PASK: variants seen among roughly 807,000 people sequenced by gnomAD.
PASK encodes the protein PAS domain-containing serine/threonine-protein kinase.
PASK carries 110 observed loss-of-function variants against 121.0 expected under a neutral mutation model. That is an observed-to-expected ratio of 0.91 (90% CI 0.78 to 1.06). PASK has a LOEUF of 1.06. PASK is among the 50% of genes least tolerant of loss of function. The pLI is 0.00. For missense variants in PASK, 1,643 were observed against 1,702.3 expected, an observed-to-expected ratio of 0.97 and a Z score of 0.61; for synonymous variants, 686 against 717.8, an observed-to-expected ratio of 0.96 and a Z score of 0.71.
At chr2:241,150,014 C>A, upstream of PASK, 2 of 1,399,928 alleles carry the variant, frequency 1.4e-6, no homozygotes, top group Non-Finnish European at 1.9e-6. Context: ...CCGTTCGGCC[C>A]ATTGTACAGA....
Position 241,127,010 on chromosome 2 carries a change from G to A in PASK, c.1905C>T (p.Gly635=). 1 of 1,614,188 alleles carries A rather than the reference G, an allele frequency of 6.2e-7. No individual in the cohort carries two copies. The highest frequency in any genetic ancestry group is 8.5e-7 in the Non-Finnish European group (1 of 1,180,018). ...DLAPSPSGMA[G]LSFGTPTLDE... is the part of the protein sequence containing the mutation. ...CTAGAGTAGGTGTCCCAAACGAGAG[G>A]CCTGCCATCCCAGAGGGGCTGGGGG... Residue 635 remains glycine, a synonymous_variant, in exon 10 of 18, where the codon GGC becomes GGT. Coordinates refer to ENST00000234040, the MANE Select transcript of PASK (RefSeq NM_015148.4).
In PASK at chr2:241,106,698, G is replaced by A. The variant is rs760062049; in HGVS notation, c.3840C>T (p.Ser1280=). ...KPESGVLSAA[S]LEMGNRSLSD... ...TCAGGCTCCTGTTCCCCATCTCCAG[G>A]CTCGCAGCGGACAGAACTCCACTTT... The change falls in exon 18 of 18, where the codon AGC becomes AGT. Residue 1280 remains serine (S), a synonymous_variant. Coordinates refer to ENST00000234040, the MANE Select transcript of PASK (RefSeq NM_015148.4). The A allele has an allele frequency of 1.9e-6, 3 of 1,614,188 alleles. No homozygotes were observed. In the East Asian group the frequency reaches 6.7e-5, roughly 36 times the overall value.
chr2:241,132,243 CAT>C (rs749859984), intron 9 of PASK, among the ~76,000 whole-genome samples: 5 of 151,350 alleles, frequency 3.3e-5, no homozygotes, highest in Non-Finnish European at 7.4e-5. Flanking sequence ...AGAACAGCTT[CAT>C]ATGACTTTGA....
chr2:241,135,041 G>A (rs1401761697), intron 8 of PASK, among the ~76,000 whole-genome samples: 1 of 152,216 alleles, frequency 6.6e-6, no homozygotes, highest in Non-Finnish European at 1.5e-5. Context: ...CTCAGGCGTG[G>A]GCCCTGCCAG....
rs140703087 is a variant in PASK, at chr2:241,115,023, C to A, written c.3333+20G>T. 5 of 1,613,976 alleles carry A rather than the reference C, an allele frequency of 3.1e-6. No homozygotes were observed. In the Admixed American group the frequency reaches 6.7e-5, roughly 22 times the overall value. On this transcript the variant is annotated intron_variant, in intron 14 of 17. Transcript: ENST00000234040. ...ACCCAGGCCTGCGTTCACACTAACA[C>A]GGCTCTGGCCTGCTCTCACTTGTCG...
rs1447322254 is a variant in PASK at position 241,127,290 on chromosome 2, G to A, written c.1625C>T (p.Pro542Leu). 6 of 1,614,232 alleles carry A rather than the reference G, an allele frequency of 3.7e-6. No homozygotes were observed. The highest frequency in any genetic ancestry group is 5.1e-6 in the Non-Finnish European group (6 of 1,180,046). Residue 542 changes from proline (P) to leucine (L), a missense_variant, in exon 10 of 18, where the codon CCA (proline) becomes CTA (leucine). Pro to Leu is a moderately conservative substitution (Grantham distance 98, BLOSUM62 -3). Coordinates refer to ENST00000234040, the MANE Select transcript of PASK (RefSeq NM_015148.4). ...TTCAGAATCTTCGCAGGAAGCAAATGGCTTCACATCCACTGGTTCAGACCT... is the reference window on the plus strand; with the variant it reads ...TTCAGAATCTTCGCAGGAAGCAAATAGCTTCACATCCACTGGTTCAGACCT... ...ESRSEPVDVK[P>L]FASCEDSEAP...
intron 8 of PASK, among the ~76,000 whole-genome samples, chr2:241,134,958 G>A (rs905074903): frequency 2.0e-5 from 3 of 152,164 alleles, no homozygotes; most frequent in East Asian, 1.9e-4. Flanking sequence ...GGGACAGGGC[G>A]CACCCCCACC....
Position 241,132,858 on chromosome 2 carries a change from C to G in PASK, c.1463+16G>C. 1 of 1,609,356 alleles carries G rather than the reference C, an allele frequency of 6.2e-7. No homozygotes were observed. The highest frequency in any genetic ancestry group is 8.5e-7 in the Non-Finnish European group (1 of 1,175,658). On this transcript the variant is annotated intron_variant, in intron 9 of 17. Transcript: ENST00000234040. ...GGACTTTTAGTAAACCTGCAACCTCCCACCAAGGGACTTACCCTGGAGCAG... is the reference window on the plus strand; with the variant it reads ...GGACTTTTAGTAAACCTGCAACCTCGCACCAAGGGACTTACCCTGGAGCAG...
At chr2:241,150,140 T>C, upstream of PASK, 1 of 1,269,902 alleles carries the variant, frequency 7.9e-7, no homozygotes, top group Non-Finnish European at 9.9e-7. Context: ...GTCGAGACAG[T>C]GACATAAGTC....
rs2066779037 is a variant in PASK at position 241,142,990 on chromosome 2, A to G, written c.43T>C (p.Cys15Arg). 6.2e-7 allele frequency: 1 copy of G among 1,613,924 alleles called. No individual in the cohort carries two copies. Among genetic ancestry groups the G allele is most frequent in the African/African-American group, 1.3e-5 (1 of 74,920 alleles). Residue 15 changes from cysteine to arginine, a missense_variant, in exon 2 of 18, where the codon TGC (cysteine) becomes CGC (arginine). This residue lies in a region of PASK where 1,176 missense variants were observed against 1,162.2 expected (regional missense o/e 1.01). Coordinates refer to ENST00000234040, the MANE Select transcript of PASK (RefSeq NM_015148.4). ...GGCAAGGGGAGGCTCTGGGAAAGGC[A>G]TCTCTGGTCCTCTTCAAAGGCTGTT... ...GLTAFEEDQR[C>R]LSQSLPLPVS...
chr2:241,142,755 G>T, intron 2 of PASK, 82 bp downstream of exon 2: 1 of 1,085,944 alleles, frequency 9.2e-7, no homozygotes, highest in Non-Finnish European at 1.4e-6. Context: ...AATCCCTGGT[G>T]AGAGGGTTTC....
Position 241,112,435 on chromosome 2 carries a change from A to G in PASK, c.3338T>C (p.Val1113Ala), listed in dbSNP as rs1237105563. The G allele has an allele frequency of 1.9e-6, 3 of 1,611,960 alleles. No individual in the cohort carries two copies. The South Asian group carries it at 3.3e-5, about 18-fold the overall frequency. ...PLASYIFRQL[V>A]SAVGYLRLKD... ...CAAGCGCAGGTATCCCACTGCTGAC[A>G]CTAGCTGGAATCAGGAGGCCAGAGG... is the stretch of plus-strand genomic sequence containing the variant. Residue 1113 changes from valine to alanine, a missense_variant, in exon 15 of 18, where the codon GTG becomes GCG. Val to Ala is a moderately conservative substitution (Grantham distance 64, BLOSUM62 0). Transcript: ENST00000234040. This position sits in a 1 kb window ranked among gnomAD's most constrained non-coding sequence, Gnocchi z 5.2.
intron 9 of PASK, among the ~76,000 whole-genome samples, chr2:241,132,226 T>C (rs1316241768): frequency 6.6e-6 from 1 of 151,668 alleles, no homozygotes; most frequent in Non-Finnish European, 1.5e-5. Context: ...TTTTAAAATG[T>C]GCAAAGAGAA....
chr2:241,137,278 T>C lies in PASK; in HGVS notation c.877-14A>G, dbSNP rs921428399. On this transcript the variant is annotated splice_polypyrimidine_tract_variant and intron_variant, in intron 6 of 17. Transcript: ENST00000234040. ...AATCTTGAGATTCTGAAAGAAAGGC[T>C]TGTCGTTTGGCTTAAGCCGTGTTTC... The C allele has an allele frequency of 1.2e-6, 2 of 1,612,266 alleles. No individual in the cohort carries two copies. Among genetic ancestry groups the C allele is most frequent in the Admixed American group, 1.7e-5 (1 of 60,036 alleles).
chr2:241,134,957 C>T (rs1175727280), intron 8 of PASK, among the ~76,000 whole-genome samples: 1 of 152,182 alleles, frequency 6.6e-6, no homozygotes, highest in East Asian at 1.9e-4. Context: ...AGGGACAGGG[C>T]GCACCCCCAC....
Position 241,112,793 on chromosome 2 carries a change from C to G in PASK, c.3334-354G>C. On this transcript the variant is annotated intron_variant, in intron 14 of 17. Coordinates refer to ENST00000234040, the MANE Select transcript of PASK (RefSeq NM_015148.4). The surrounding 1 kb of genome is among the most constrained non-coding windows in gnomAD (Gnocchi z 5.2). Reference sequence around the variant, plus strand: ...AAAGACAGGCCACAAAGCCACAGCTCAAAGACACTCATGGTGGGCAAGTGA... The same window carrying G: ...AAAGACAGGCCACAAAGCCACAGCTGAAAGACACTCATGGTGGGCAAGTGA... The G allele has an allele frequency of 3.2e-6, 1 of 310,204 alleles. No homozygotes were observed. The highest frequency in any genetic ancestry group is 6.1e-6 in the Non-Finnish European group (1 of 162,640). 19.2% of individuals were successfully genotyped at this position (310,204 alleles called of 1,614,324 possible).
chr2:241,124,802 C>A (rs1244706469), intron 10 of PASK, among the ~76,000 whole-genome samples: 2 of 152,110 alleles, frequency 1.3e-5, no homozygotes, highest in African/African-American at 4.8e-5. Flanking sequence ...AGAAAAAAAC[C>A]CTAGCTATCA....
At chr2:241,132,802 G>A (rs768504193) in intron 9 of PASK, 72 bp downstream of exon 9, 205 of 1,239,608 alleles carry the variant, frequency 1.7e-4, no homozygotes, top group Middle Eastern at 1.9e-4. Flanking sequence ...ATTTCTCTCT[G>A]ACTTGTTCCT....
chr2:241,147,762 C>T (rs2067027524), intron 1 of PASK, among the ~76,000 whole-genome samples: 1 of 151,740 alleles, frequency 6.6e-6, no homozygotes, highest in Admixed American at 6.6e-5. Flanking sequence ...AATTTTTTGT[C>T]CTTCATGGGA....
Sources: allele counts gnomAD v4.1 joint callset (sites outside exome capture counted in the v4.1 genomes callset), GRCh38; gene constraint gnomAD v4.1.1; regional missense constraint gnomAD v4.1.1; non-coding constraint Gnocchi (gnomAD v3.1); transcripts MANE v1.5; gene names NCBI Gene and HGNC (gene_info 2026-07-23, HGNC 2026-07-21).